Variants in PANX3 observed in about 807,000 individuals in gnomAD.
The protein encoded by PANX3 is pannexin-3.
Under a neutral mutation model 31.5 loss-of-function variants are expected in PANX3, and 18 were observed. The ratio of observed to expected loss-of-function variants is 0.57; its 90% CI spans 0.39 to 0.85. The LOEUF (loss-of-function observed/expected upper bound fraction) is 0.85, where lower values mean the gene tolerates loss of function less well. PANX3 is among the 40% of genes least tolerant of loss of function. The pLI, the probability that PANX3 is intolerant of heterozygous loss-of-function variation, is 0.00. For synonymous variants in PANX3, 194 were observed against 201.6 expected (o/e 0.96, Z 0.32); for missense variants, 426 against 485.4 (o/e 0.88, Z 1.15).
intron 3 of PANX3, 97 bp from the exon 4 acceptor site, chr11:124,619,199 A>G (rs1863186350): frequency 1.5e-6 from 2 of 1,293,884 alleles, no homozygotes; most frequent in Non-Finnish European, 1.1e-6. Context: ...CAAGAATGCC[A>G]TGTTGAAAAC....
At chr11:124,613,878 C>T (rs1423056939) in intron 2 of PANX3, among the ~76,000 whole-genome samples, 1 of 152,182 alleles carries the variant, frequency 6.6e-6, no homozygotes, top group Non-Finnish European at 1.5e-5. Context: ...TTCTATCTTG[C>T]AACTGCTTTC....
chr11:124,618,510 A>T (rs553914508), intron 3 of PANX3, among the ~76,000 whole-genome samples: 2 of 152,242 alleles, frequency 1.3e-5, no homozygotes, highest in African/African-American at 2.4e-5. Flanking sequence ...TTCAGAGCAC[A>T]AACTGGCTTA....
chr11:124,613,564 G>T (rs895295496), intron 2 of PANX3, among the ~76,000 whole-genome samples: 2 of 151,978 alleles, frequency 1.3e-5, no homozygotes, highest in Non-Finnish European at 2.9e-5. Context: ...TGCTCCCCCT[G>T]TCCCAGCACG....
intron 2 of PANX3, among the ~76,000 whole-genome samples, chr11:124,614,664 C>T (rs1863132219): frequency 2.0e-5 from 3 of 149,242 alleles, no homozygotes; most frequent in Admixed American, 6.7e-5. Context: ...TCAATAAACG[C>T]CCTTTCTTTT....
rs1435651638 is a variant in PANX3 at position 124,618,650 on chromosome 11, TG to T, written c.540-639del. Reference sequence around the variant, plus strand: ...GAACCAGAATGTACTTTTTTTGGAGTGGGGGGGTGGGGGAGACAGGGTCTCA... The same window carrying T: ...GAACCAGAATGTACTTTTTTTGGAGTGGGGGGTGGGGGAGACAGGGTCTCA... On this transcript the variant is annotated intron_variant, in intron 3 of 3. Coordinates refer to ENST00000284288, the MANE Select transcript of PANX3 (RefSeq NM_052959.3). Among the ~76,000 whole-genome samples, 10 of 151,330 alleles carry T rather than the reference TG, an allele frequency of 6.6e-5. No individual in the cohort carries two copies. In the East Asian group the frequency reaches 2.0e-3, roughly 30 times the overall value.
At chr11:124,615,507 G>A (rs1045531887) in intron 2 of PANX3, among the ~76,000 whole-genome samples, 1 of 152,132 alleles carries the variant, frequency 6.6e-6, no homozygotes, top group African/African-American at 2.4e-5. Context: ...ATCATTTAGG[G>A]AATAAGCTCC....
At position 124,618,878 on chromosome 11, in the gene PANX3, T is replaced by G. The variant is rs897228311; in HGVS notation, c.540-418T>G. 5.3e-5 allele frequency among the ~76,000 whole-genome samples: 8 copies of G among 152,288 alleles called. No homozygotes were observed. In the East Asian group the frequency reaches 1.5e-3, roughly 29 times the overall value. ...CCATGGTAGTCTCAAACCCCTGGGC[T>G]TATGGGACCCTTCCACCTCGGCCGC... On this transcript the variant is annotated intron_variant, in intron 3 of 3. Coordinates refer to ENST00000284288, the MANE Select transcript of PANX3 (RefSeq NM_052959.3).
chr11:124,613,122 G>A lies in PANX3; in HGVS notation c.324G>A (p.Lys108=), dbSNP rs1236539937. 1 of 1,612,842 alleles carries A rather than the reference G, an allele frequency of 6.2e-7. No individual in the cohort carries two copies. Among genetic ancestry groups the A allele is most frequent in the East Asian group, 2.2e-5 (1 of 44,888 alleles). Residue 108 remains lysine (K), a splice_region_variant and synonymous_variant, in exon 2 of 4, where the codon AAG becomes AAA. Transcript: ENST00000284288. ...AAATGAAATCTCTCTGGCCCCACAAGGTAAAGCAAACTCTCTGTAAGGCCA... is the reference window on the plus strand; with the variant it reads ...AAATGAAATCTCTCTGGCCCCACAAAGTAAAGCAAACTCTCTGTAAGGCCA... The part of the protein sequence containing the change: ...QDKMKSLWPH[K]ALPYSLLALA...
Position 124,617,360 on chromosome 11 carries a change from C to G in PANX3, c.411C>G (p.Ser137Arg), listed in dbSNP as rs144166888. ...AGTATGCAGCTGTGCCAGCCCTCAG[C>G]TCCGATCTGCTGTTCATCATCAGCG... ...LWQYAAVPAL[S>R]SDLLFIISEL... Residue 137 changes from serine to arginine, a missense_variant, in exon 3 of 4, where the codon AGC becomes AGG. By Grantham distance (110) the Ser-to-Arg change is moderately radical. Coordinates refer to ENST00000284288, the MANE Select transcript of PANX3 (RefSeq NM_052959.3). 4.3e-6 allele frequency: 7 copies of G among 1,613,512 alleles called. No individual in the cohort carries two copies. The highest frequency in any genetic ancestry group is 4.0e-5 in the African/African-American group (3 of 75,068).
chr11:124,614,710 C>T (rs1249351402), intron 2 of PANX3, among the ~76,000 whole-genome samples: 2 of 122,846 alleles, frequency 1.6e-5, no homozygotes, highest in Non-Finnish European at 3.2e-5. Context: ...GAGTCTGGCT[C>T]TTGTCCCCCA....
Position 124,620,140 on chromosome 11 carries a change from C to A in PANX3, c.*205C>A. On this transcript the variant is annotated 3_prime_UTR_variant, in exon 4 of 4. Coordinates refer to ENST00000284288, the MANE Select transcript of PANX3 (RefSeq NM_052959.3). ...TGGAAATAAATGTGAAAGCTGGAGC[C>A]GAAGAGTCAAAGAGCTAAAAAATTA... 3 of 604,100 alleles carry A rather than the reference C, an allele frequency of 5.0e-6. No individual in the cohort carries two copies. Among genetic ancestry groups the A allele is most frequent in the Non-Finnish European group, 8.1e-6 (3 of 369,650 alleles). The allele number at this position is 604,100 out of a possible 1,614,324, so 37.4% of individuals were successfully genotyped here.
Position 124,619,551 on chromosome 11 carries a change from A to G in PANX3, c.795A>G (p.Ser265=), listed in dbSNP as rs1278015119. ...VPNLITCRLT[S]LSIFQIVSLS... is the part of the protein sequence containing the mutation. ...ATCTGATCACATGCAGGCTGACATCACTGTCCATTTTCCAGATTGTTAGCC... is the reference window on the plus strand; with the variant it reads ...ATCTGATCACATGCAGGCTGACATCGCTGTCCATTTTCCAGATTGTTAGCC... Residue 265 remains serine, a synonymous_variant, in exon 4 of 4, where the codon TCA becomes TCG. Coordinates refer to ENST00000284288, the MANE Select transcript of PANX3 (RefSeq NM_052959.3). The G allele has an allele frequency of 6.2e-7, 1 of 1,614,184 alleles. No individual in the cohort carries two copies. Among genetic ancestry groups the G allele is most frequent in the Non-Finnish European group, 8.5e-7 (1 of 1,180,046 alleles).
In PANX3 at chr11:124,619,536, A is replaced by G; in HGVS notation, c.780A>G (p.Thr260=). 1.2e-6 allele frequency: 2 copies of G among 1,614,224 alleles called. No homozygotes were observed. Among genetic ancestry groups the G allele is most frequent in the African/African-American group, 1.3e-5 (1 of 75,050 alleles). ...SDETHVPNLI[T]CRLTSLSIFQ... ...AGACCCATGTCCCCAATCTGATCAC[A>G]TGCAGGCTGACATCACTGTCCATTT... The change falls in exon 4 of 4, where the codon ACA becomes ACG. Residue 260 remains threonine (T), a synonymous_variant. Coordinates refer to ENST00000284288, the MANE Select transcript of PANX3 (RefSeq NM_052959.3).
At chr11:124,614,670 C>CTT (rs138365917) in intron 2 of PANX3, among the ~76,000 whole-genome samples, 1,456 of 95,210 alleles carry the variant, frequency 0.015, 18 homozygotes, top group Middle Eastern at 0.027. Flanking sequence ...AACGCCCTTT[C>CTT]TTTTTTTTTT....
At chr11:124,615,417 TGTATCCTCCC>T (rs1369087187) in intron 2 of PANX3, among the ~76,000 whole-genome samples, 3 of 152,288 alleles carry the variant, frequency 2.0e-5, no homozygotes, top group South Asian at 4.1e-4. Flanking sequence ...CAATCAATTA[TGTATCCTCCC>T]TCTTTTTCTT....
intron 2 of PANX3, 124 bp from the exon 3 acceptor site, chr11:124,617,150 C>G: frequency 1.2e-6 from 1 of 812,794 alleles, no homozygotes; most frequent in Non-Finnish European, 2.0e-6. Context: ...CTGGGCTAGC[C>G]CATTCCCCAA....
In PANX3 at chr11:124,611,725, G is replaced by A. The variant is rs1458952545; in HGVS notation, c.169G>A (p.Glu57Lys). ...GCTGATGTCCCTGGCATTCGCCCAGGAGTTCTCCTCTGGTAAGTTGCTTCC... is the reference window on the plus strand; with the variant it reads ...GCTGATGTCCCTGGCATTCGCCCAGAAGTTCTCCTCTGGTAAGTTGCTTCC... ...LLLMSLAFAQ[E>K]FSSGSPISCF... Residue 57 changes from glutamate (E) to lysine (K), a missense_variant, in exon 1 of 4, where the codon GAG (glutamate) becomes AAG (lysine). Glu to Lys is a moderately conservative substitution (Grantham distance 56). Coordinates refer to ENST00000284288, the MANE Select transcript of PANX3 (RefSeq NM_052959.3). 1 of 1,613,780 alleles carries A rather than the reference G, an allele frequency of 6.2e-7. No homozygotes were observed. Among genetic ancestry groups the A allele is most frequent in the Non-Finnish European group, 8.5e-7 (1 of 1,179,890 alleles).
intron 2 of PANX3, among the ~76,000 whole-genome samples, chr11:124,614,348 A>C (rs902943133): frequency 1.3e-5 from 2 of 152,034 alleles, no homozygotes; most frequent in African/African-American, 4.8e-5. Flanking sequence ...GCTCACTGCA[A>C]CCTCTGCCTC....
intron 1 of PANX3, 63 bp from the exon 2 acceptor site, chr11:124,612,917 G>A (rs1456937278): frequency 5.7e-6 from 9 of 1,581,490 alleles, no homozygotes. Flanking sequence ...TTAGATGATT[G>A]CCCCTGAGTC....
Sources: gnomAD v4.1 joint callset for allele counts (sites outside exome capture counted in the v4.1 genomes callset) on GRCh38, gnomAD v4.1.1 for gene constraint, MANE v1.5 for transcripts, NCBI Gene and HGNC (gene_info 2026-07-23, HGNC 2026-07-21) for gene names.